The following XKR6 variants were observed in gnomAD, a reference collection of about 807,000 sequenced individuals.
XKR6 encodes the protein XK related 6.
A neutral mutation model predicts 56.7 loss-of-function variants in XKR6; 22 were observed. The observed-to-expected ratio is 0.39, with a 90% CI of 0.28 to 0.55. The LOEUF (loss-of-function observed/expected upper bound fraction) is 0.55. XKR6 is among the 20% of genes least tolerant of loss of function. The pLI is 0.66. For missense variants in XKR6, 852 were observed against 889.0 expected (o/e 0.96, Z 0.53); for synonymous variants, 524 against 387.8 (o/e 1.35, Z -4.13).
intron 1 of XKR6, among the ~76,000 whole-genome samples, chr8:11,018,701 A>AC (rs1444986500): frequency 6.6e-6 from 1 of 152,196 alleles, no homozygotes; most frequent in Non-Finnish European, 1.5e-5. Flanking sequence ...ACACACATGA[A>AC]CACACAGAAC....
rs139655402 is a variant in XKR6, at chr8:11,144,878, AGAGAAGGGGAAGGGGAAG to A, written c.764+55680_764+55697del. On this transcript the variant is annotated intron_variant, in intron 1 of 2. Coordinates refer to ENST00000416569, the MANE Select transcript of XKR6 (RefSeq NM_173683.4). ...AAGGGAGGGGTAGGGAGGGGAAAGG[AGAGAAGGGGAAGGGGAAG>A]GAGAAGGGGAAGGGGAAGGGAAAGA... is the stretch of plus-strand genomic sequence containing the variant. Among the ~76,000 whole-genome samples, 1,038 of 146,244 alleles carry A rather than the reference AGAGAAGGGGAAGGGGAAG, an allele frequency of 7.1e-3. 37 individuals are homozygous for A. The East Asian group carries it at 0.081, about 11-fold the overall frequency.
chr8:11,148,478 T>C (rs1034989694), intron 1 of XKR6, among the ~76,000 whole-genome samples: 4 of 152,236 alleles, frequency 2.6e-5, no homozygotes, highest in African/African-American at 4.8e-5. Context: ...AATACATTGC[T>C]GTTGTTTAAG....
chr8:11,007,160 GCCAATGTATGA>G (rs2129144695), intron 1 of XKR6, among the ~76,000 whole-genome samples: 1 of 152,282 alleles, frequency 6.6e-6, no homozygotes, highest in African/African-American at 2.4e-5. Context: ...AGCTGTGGCA[GCCAATGTATGA>G]CCATGAGGGA....
At chr8:11,063,072 TC>T in intron 1 of XKR6, 1 of 340,626 alleles carries the variant, frequency 2.9e-6, no homozygotes, top group Non-Finnish European at 5.8e-6. Flanking sequence ...TAAATTTAAA[TC>T]CTATTAAGGC....
chr8:11,119,700 C>G (rs1230502442), intron 1 of XKR6, among the ~76,000 whole-genome samples: 3 of 151,956 alleles, frequency 2.0e-5, no homozygotes, highest in African/African-American at 4.8e-5. Flanking sequence ...CTATGTGTGT[C>G]TCTGCACGTG....
Position 11,201,225 on chromosome 8 carries a change from A to G in XKR6, c.115T>C (p.Cys39Arg). 6.5e-7 allele frequency: 1 copy of G among 1,543,186 alleles called. No homozygotes were observed. The highest frequency in any genetic ancestry group is 8.7e-7 in the Non-Finnish European group (1 of 1,152,650). ...EEDGEPGGGG[C>R]GGGGDGSEPG... The stretch of plus-strand genomic sequence containing the variant: ...TCGCTGCCGTCGCCGCCGCCGCCGC[A>G]GCCGCCTCCCCCGGGCTCCCCGTCC... Residue 39 changes from cysteine to arginine, a missense_variant, in exon 1 of 3, where the codon TGC (cysteine) becomes CGC (arginine). By Grantham distance (180) the Cys-to-Arg change is radical. Coordinates refer to ENST00000416569, the MANE Select transcript of XKR6 (RefSeq NM_173683.4).
At chr8:10,945,207 C>T (rs765979698) in intron 1 of XKR6, among the ~76,000 whole-genome samples, 5 of 152,188 alleles carry the variant, frequency 3.3e-5, no homozygotes, top group African/African-American at 7.2e-5. Flanking sequence ...AATGCTGTTG[C>T]GCACGGTGGC....
intron 1 of XKR6, among the ~76,000 whole-genome samples, chr8:10,949,610 C>G (rs536016046): frequency 2.3e-4 from 35 of 152,352 alleles, no homozygotes; most frequent in African/African-American, 8.4e-4. Context: ...CGTTAGTGCC[C>G]TAACAGGGGA....
At chr8:11,182,701 TA>T (rs1238593639) in intron 1 of XKR6, among the ~76,000 whole-genome samples, 10 of 152,242 alleles carry the variant, frequency 6.6e-5, no homozygotes, top group African/African-American at 2.4e-4. Flanking sequence ...AGAGTATTTG[TA>T]AAAATTGTTT....
At chr8:10,987,965 G>A (rs1401794564) in intron 1 of XKR6, among the ~76,000 whole-genome samples, 1 of 152,202 alleles carries the variant, frequency 6.6e-6, no homozygotes, top group Non-Finnish European at 1.5e-5. Flanking sequence ...GTACCCAGGG[G>A]TTAATGATGC....
intron 1 of XKR6, among the ~76,000 whole-genome samples, chr8:11,159,874 TAG>T (rs942219155): frequency 6.6e-5 from 10 of 152,220 alleles, no homozygotes; most frequent in African/African-American, 2.4e-4. Context: ...TGTTGTTGAT[TAG>T]AGATATGATG....
intron 1 of XKR6, chr8:11,108,386 A>G: frequency 4.4e-6 from 2 of 455,242 alleles, no homozygotes; most frequent in South Asian, 3.1e-5. Flanking sequence ...TGTAAATCTG[A>G]TACCCCAAGA....
At position 10,902,011 on chromosome 8, in the gene XKR6, G is replaced by A. The variant is rs563182103; in HGVS notation, c.962-3095C>T. ...TTCAGAGTTACCTACCCCATTTCCA[G>A]GTGTGTCGCTGTGGTTTTGAAGGCG... On this transcript the variant is annotated intron_variant, in intron 2 of 2. Coordinates refer to ENST00000416569, the MANE Select transcript of XKR6 (RefSeq NM_173683.4). 8.5e-5 allele frequency among the ~76,000 whole-genome samples: 13 copies of A among 152,324 alleles called. No homozygotes were observed. The South Asian group carries it at 2.7e-3, about 32-fold the overall frequency.
intron 1 of XKR6, among the ~76,000 whole-genome samples, chr8:11,080,524 T>C (rs911357641): frequency 2.6e-5 from 4 of 152,232 alleles, no homozygotes; most frequent in African/African-American, 4.8e-5. Context: ...ACTTTGGAGA[T>C]GTAAAGTCAA....
intron 1 of XKR6, among the ~76,000 whole-genome samples, chr8:10,989,039 C>T (rs1300199740): frequency 6.6e-6 from 1 of 152,172 alleles, no homozygotes; most frequent in Admixed American, 6.5e-5. Context: ...AGGCAAGCTA[C>T]ATGCTTATGT....
intron 1 of XKR6, among the ~76,000 whole-genome samples, chr8:11,145,133 A>T (rs1800917597): frequency 6.6e-6 from 1 of 152,178 alleles, no homozygotes; most frequent in South Asian, 2.1e-4. Flanking sequence ...AAACATTTTG[A>T]GCAACGACAT....
chr8:11,074,546 G>C (rs1315707069), intron 1 of XKR6, among the ~76,000 whole-genome samples: 2 of 152,226 alleles, frequency 1.3e-5, no homozygotes, highest in African/African-American at 4.8e-5. Context: ...GGTGATTATG[G>C]AGGTCCATCC....
intron 1 of XKR6, among the ~76,000 whole-genome samples, chr8:10,932,585 C>T (rs1449445767): frequency 8.5e-6 from 1 of 117,390 alleles, no homozygotes; most frequent in East Asian, 2.9e-4. Flanking sequence ...CTCCCCCCAC[C>T]CCACCACAGT....
intron 1 of XKR6, among the ~76,000 whole-genome samples, chr8:10,986,940 T>TA (rs1733772036): frequency 6.6e-6 from 1 of 151,784 alleles, no homozygotes; most frequent in African/African-American, 2.4e-5. Context: ...CTGGCCAATT[T>TA]TTTTTTTTTA....
Sources: gnomAD v4.1 joint callset for allele counts (sites outside exome capture counted in the v4.1 genomes callset) on GRCh38, gnomAD v4.1.1 for gene constraint, MANE v1.5 for transcripts, NCBI Gene and HGNC (gene_info 2026-07-23, HGNC 2026-07-21) for gene names.